The following CFAP58 variants were observed in gnomAD, a reference collection of about 807,000 sequenced individuals.
CFAP58 encodes cilia and flagella associated protein 58, also known as cilia- and flagella-associated protein 58.
A neutral mutation model predicts 119.5 loss-of-function variants in CFAP58; 88 were observed. The observed-to-expected ratio is 0.74, with a 90% CI of 0.62 to 0.88. The LOEUF is 0.88. Among genes scored for constraint, CFAP58 ranks in the 40% least tolerant of loss-of-function variants. The pLI is 0.00. For missense variants in CFAP58, 990 were observed against 1,021.2 expected (o/e 0.97, Z 0.42); for synonymous variants, 365 against 366.3 (o/e 1.00, Z 0.04).
rs545548325 is a variant in CFAP58 at position 104,367,847 on chromosome 10, A to G, written c.793-576A>G. Among the ~76,000 whole-genome samples, 34 of 152,378 alleles carry G rather than the reference A, an allele frequency of 2.2e-4. No individual in the cohort carries two copies. The South Asian group carries it at 2.5e-3, about 11-fold the overall frequency. ...AAACCATATCTGCTTAGGATAGTCAAGGCAGGGAAGAGGAAAATCTGGCTG... is the reference window on the plus strand; with the variant it reads ...AAACCATATCTGCTTAGGATAGTCAGGGCAGGGAAGAGGAAAATCTGGCTG... On this transcript the variant is annotated intron_variant, in intron 5 of 17. Coordinates refer to ENST00000369704, the MANE Select transcript of CFAP58 (RefSeq NM_001008723.2).
chr10:104,341,846 A>G, the CFAP58 span, among the ~76,000 whole-genome samples: 1 of 152,212 alleles, frequency 6.6e-6, no homozygotes. Flanking sequence ...GTAACATGGT[A>G]AAAACAAAGG....
chr10:104,389,540 A>G (rs1159549519), intron 9 of CFAP58, among the ~76,000 whole-genome samples: 2 of 152,118 alleles, frequency 1.3e-5, no homozygotes, highest in Admixed American at 1.3e-4. Context: ...AGTATTTTCA[A>G]TCTATTAAGC....
intron 15 of CFAP58, among the ~76,000 whole-genome samples, chr10:104,428,104 G>A (rs149597083): frequency 6.6e-6 from 1 of 152,310 alleles, no homozygotes; most frequent in Non-Finnish European, 1.5e-5. Flanking sequence ...TTGTTTGTAG[G>A]ATCTGGCAGT....
the CFAP58 span, among the ~76,000 whole-genome samples, chr10:104,346,633 C>CTTTTT: frequency 4.5e-4 from 46 of 101,118 alleles, 1 homozygote; most frequent in African/African-American, 1.7e-3. Context: ...GCCATTTAGT[C>CTTTTT]TTTTTTTTTT....
intron 17 of CFAP58, among the ~76,000 whole-genome samples, chr10:104,454,068 T>C (rs546506310): frequency 6.6e-6 from 1 of 152,170 alleles, no homozygotes; most frequent in Non-Finnish European, 1.5e-5. Flanking sequence ...GTCATTATAA[T>C]TGAGCCAAGA....
chr10:104,416,490 G>T (rs1248945627), intron 15 of CFAP58, among the ~76,000 whole-genome samples: 2 of 152,168 alleles, frequency 1.3e-5, no homozygotes, highest in African/African-American at 4.8e-5. Context: ...TGGAAGTCTG[G>T]TTTATTTAAC....
Position 104,357,830 on chromosome 10 carries a change from T to C in CFAP58, c.10-511T>C, listed in dbSNP as rs183493328. 2.1e-4 allele frequency among the ~76,000 whole-genome samples: 28 copies of C among 136,400 alleles called. 1 individual carries two copies. Among genetic ancestry groups the C allele is most frequent in the African/African-American group, 6.1e-4 (22 of 35,972 alleles). 89.5% of individuals were successfully genotyped at this position (136,400 alleles called of 152,430 possible). A position where few individuals can be genotyped will look rare whatever the true frequency, so the allele number is the denominator to read the frequency against. On this transcript the variant is annotated intron_variant, in intron 1 of 17. Transcript: ENST00000369704. The stretch of plus-strand genomic sequence containing the variant: ...ACATATATATGTACATATATACACA[T>C]ATATGTACACATATGTACACATATA...
intron 11 of CFAP58, among the ~76,000 whole-genome samples, chr10:104,397,275 A>G (rs547438797): frequency 2.4e-4 from 36 of 152,204 alleles, no homozygotes; most frequent in Admixed American, 5.9e-4. Flanking sequence ...CTAACAGACA[A>G]TCCCCCCAAG....
At position 104,438,368 on chromosome 10, in the gene CFAP58, TTTTTTG is replaced by T. The variant is rs1160835468; in HGVS notation, c.2257-9324_2257-9319del. 8.4e-4 allele frequency among the ~76,000 whole-genome samples: 105 copies of T among 125,038 alleles called. 4 individuals carry two copies. Among genetic ancestry groups the T allele is most frequent in the African/African-American group, 3.9e-3 (99 of 25,068 alleles). 82.0% of individuals were successfully genotyped at this position (125,038 alleles called of 152,430 possible). A position where few individuals can be genotyped will look rare whatever the true frequency, so the allele number is the denominator to read the frequency against. The stretch of plus-strand genomic sequence containing the variant: ...TTTTTGTTTTTTTTTTTTGTTTTTT[TTTTTTG>T]TTTTTTTTTTTTGAGACGGAGTCTC... On this transcript the variant is annotated intron_variant, in intron 15 of 17. Coordinates refer to ENST00000369704, the MANE Select transcript of CFAP58 (RefSeq NM_001008723.2).
intron 15 of CFAP58, among the ~76,000 whole-genome samples, chr10:104,442,268 A>G (rs1402979456): frequency 6.6e-6 from 1 of 152,082 alleles, no homozygotes; most frequent in East Asian, 1.9e-4. Context: ...AAGTCAACAC[A>G]TTATTTAGTT....
intron 7 of CFAP58, among the ~76,000 whole-genome samples, chr10:104,371,524 C>T (rs536199344): frequency 2.0e-5 from 3 of 152,238 alleles, no homozygotes; most frequent in South Asian, 2.1e-4. Context: ...TGTGATGAAC[C>T]GCTGTCTTAC....
intron 7 of CFAP58, among the ~76,000 whole-genome samples, 171 bp from the exon 8 acceptor site, chr10:104,376,640 G>A (rs575301308): frequency 6.6e-6 from 1 of 152,086 alleles, no homozygotes. Flanking sequence ...TCTTTAGTGA[G>A]AGAGGGAGAC....
intron 9 of CFAP58, among the ~76,000 whole-genome samples, chr10:104,386,576 G>A (rs1419809007): frequency 6.6e-6 from 1 of 151,968 alleles, no homozygotes. Context: ...CTCCCCTCTG[G>A]CAGTTGAGGA....
chr10:104,410,507 A>C (rs1418662588), intron 15 of CFAP58, among the ~76,000 whole-genome samples: 1 of 152,190 alleles, frequency 6.6e-6, no homozygotes, highest in Admixed American at 6.5e-5. Flanking sequence ...GTAAATGATT[A>C]ACTTGAAATG....
At chr10:104,370,839 A>G (rs2014813052) in intron 6 of CFAP58, 56 bp from the exon 7 acceptor site, 2 of 1,491,924 alleles carry the variant, frequency 1.3e-6, no homozygotes, top group African/African-American at 2.8e-5. Context: ...ACCATCATCC[A>G]GTTCCTGGCT....
intron 15 of CFAP58, among the ~76,000 whole-genome samples, chr10:104,417,698 C>G (rs1260661189): frequency 1.3e-5 from 2 of 152,212 alleles, no homozygotes; most frequent in African/African-American, 4.8e-5. Flanking sequence ...CGATTGAATG[C>G]TGAGTACATT....
the CFAP58 span, among the ~76,000 whole-genome samples, chr10:104,340,853 A>G: frequency 6.6e-6 from 1 of 152,150 alleles, no homozygotes; most frequent in Non-Finnish European, 1.5e-5. Context: ...TCTCTGCCTA[A>G]GGCTGGAACC....
chr10:104,371,135 T>C (rs1212557489), intron 7 of CFAP58, 81 bp downstream of exon 7: 1 of 1,348,634 alleles, frequency 7.4e-7, no homozygotes, highest in African/African-American at 1.5e-5. Flanking sequence ...GCTCCATGTT[T>C]CCAAACACAA....
At chr10:104,402,508 A>G (rs2012283456) in intron 13 of CFAP58, among the ~76,000 whole-genome samples, 1 of 152,212 alleles carries the variant, frequency 6.6e-6, no homozygotes, top group Non-Finnish European at 1.5e-5. Context: ...GAGGACAGGT[A>G]ATAATATCCT....
Sources: allele counts gnomAD v4.1 joint callset (sites outside exome capture counted in the v4.1 genomes callset), GRCh38; gene constraint gnomAD v4.1.1; transcripts MANE v1.5; gene names NCBI Gene and HGNC (gene_info 2026-07-23, HGNC 2026-07-21).